TMEM132B: variants seen among roughly 807,000 people sequenced by gnomAD.
TMEM132B encodes transmembrane protein 132B.
TMEM132B carries 18 observed loss-of-function variants against 90.8 expected under a neutral mutation model. That is an observed-to-expected ratio of 0.20 (90% confidence interval 0.14 to 0.29). TMEM132B has a LOEUF of 0.29. Ranked by LOEUF, TMEM132B falls within the 10% of genes least tolerant of loss-of-function variation. The pLI, the probability that TMEM132B is intolerant of heterozygous loss-of-function variation, is 1.00. For synonymous variants in TMEM132B, 504 were observed against 523.3 expected (o/e 0.96, Z 0.50); for missense variants, 1,096 against 1,326.8 (o/e 0.83, Z 2.70).
chr12:125,339,915 T>C (rs1049148971), intron 1 of TMEM132B, among the ~76,000 whole-genome samples: 1 of 152,202 alleles, frequency 6.6e-6, no homozygotes, highest in Non-Finnish European at 1.5e-5. Context: ...GAGGTACACT[T>C]CAGTCCATAA....
At chr12:125,371,377 A>G (rs898804165) in intron 2 of TMEM132B, among the ~76,000 whole-genome samples, 1 of 152,210 alleles carries the variant, frequency 6.6e-6, no homozygotes, top group Non-Finnish European at 1.5e-5. Flanking sequence ...CTGGGAAGAG[A>G]CAGGGAGGAA....
intron 4 of TMEM132B, among the ~76,000 whole-genome samples, chr12:125,578,200 T>C (rs778473801): frequency 6.6e-6 from 1 of 152,176 alleles, no homozygotes; most frequent in Non-Finnish European, 1.5e-5. Flanking sequence ...AAGTGGAACA[T>C]TGAAGTCTCC....
intron 4 of TMEM132B, among the ~76,000 whole-genome samples, chr12:125,536,088 A>G (rs979707409): frequency 2.6e-5 from 4 of 152,174 alleles, no homozygotes; most frequent in Non-Finnish European, 4.4e-5. Context: ...TCCACATGCC[A>G]TGTATCAGCT....
chr12:125,196,702 C>G (rs190993557), intron 1 of TMEM132B, among the ~76,000 whole-genome samples: 42 of 152,090 alleles, frequency 2.8e-4, no homozygotes, highest in African/African-American at 9.9e-4. Context: ...AGCAAGACTC[C>G]GTCACAAAAA....
chr12:125,582,649 C>T (rs1014654341), intron 4 of TMEM132B, among the ~76,000 whole-genome samples: 9 of 152,198 alleles, frequency 5.9e-5, no homozygotes, highest in Non-Finnish European at 8.8e-5. Context: ...TGAATCTACT[C>T]AGTGGTTCTT....
chr12:125,355,531 T>C (rs2136241193), intron 2 of TMEM132B, among the ~76,000 whole-genome samples: 1 of 152,352 alleles, frequency 6.6e-6, no homozygotes, highest in Admixed American at 6.5e-5. Flanking sequence ...GTGGCTTGAC[T>C]TCCTGGCTGC....
intron 2 of TMEM132B, among the ~76,000 whole-genome samples, chr12:125,395,731 C>T (rs1490465448): frequency 1.3e-5 from 2 of 152,244 alleles, no homozygotes; most frequent in East Asian, 1.9e-4. Flanking sequence ...TTTCCTGGCT[C>T]GTGTAATTGA....
chr12:125,602,895 C>G (rs975888933), intron 5 of TMEM132B, among the ~76,000 whole-genome samples: 12 of 152,090 alleles, frequency 7.9e-5, no homozygotes, highest in Non-Finnish European at 8.8e-5. Flanking sequence ...CATAGGAATA[C>G]AGCTGAAAAG....
chr12:125,524,439 A>G (rs951156625), intron 4 of TMEM132B, among the ~76,000 whole-genome samples: 5 of 152,182 alleles, frequency 3.3e-5, no homozygotes, highest in Non-Finnish European at 7.3e-5. Context: ...AGTGAGGGCT[A>G]TTGGGTCAAC....
chr12:125,618,855 TG>T (rs368971316), intron 5 of TMEM132B, among the ~76,000 whole-genome samples: 15 of 152,204 alleles, frequency 9.9e-5, no homozygotes, highest in African/African-American at 3.6e-4. Flanking sequence ...GACTCCAGTT[TG>T]GTAACCACTG....
At chr12:125,361,601 G>A (rs7304214) in intron 2 of TMEM132B, among the ~76,000 whole-genome samples, 1,751 of 152,300 alleles carry the variant, frequency 0.011, 36 homozygotes, top group African/African-American at 0.039. Context: ...ATCAAGTCGA[G>A]AGCTAAGAGC....
At chr12:125,275,764 A>C (rs1162818986) in intron 1 of TMEM132B, among the ~76,000 whole-genome samples, 1 of 152,012 alleles carries the variant, frequency 6.6e-6, no homozygotes, top group Non-Finnish European at 1.5e-5. Context: ...CCCAGGCTGG[A>C]GTGTGGTGGT....
At chr12:125,505,195 A>AAAAAAAAAAAAAAAAAAAAAAAAAC (rs1183847146) in intron 3 of TMEM132B, among the ~76,000 whole-genome samples, 1 of 147,898 alleles carries the variant, frequency 6.8e-6, no homozygotes, top group African/African-American at 2.5e-5. Flanking sequence ...AAAAAAAAAA[A>AAAAAAAAAAAAAAAAAAAAAAAAAC]CAGTAAGTGG....
intron 3 of TMEM132B, among the ~76,000 whole-genome samples, chr12:125,433,311 G>A (rs964589437): frequency 3.3e-5 from 5 of 151,988 alleles, no homozygotes; most frequent in African/African-American, 7.2e-5. Flanking sequence ...CACGGTCATC[G>A]GGGCAATGCT....
intron 2 of TMEM132B, among the ~76,000 whole-genome samples, chr12:125,389,520 G>A (rs1566020727): frequency 6.6e-6 from 1 of 152,036 alleles, no homozygotes; most frequent in Non-Finnish European, 1.5e-5. Context: ...TGTTAGCTGT[G>A]TGATCTTGGG....
intron 5 of TMEM132B, among the ~76,000 whole-genome samples, chr12:125,613,222 A>ATT (rs1885905203): frequency 7.8e-6 from 1 of 128,078 alleles, no homozygotes; most frequent in Non-Finnish European, 1.6e-5. Flanking sequence ...CACCCACTAT[A>ATT]TTATATATAT....
intron 1 of TMEM132B, among the ~76,000 whole-genome samples, chr12:125,312,788 C>T (rs1439929208): frequency 6.6e-6 from 1 of 152,220 alleles, no homozygotes; most frequent in Non-Finnish European, 1.5e-5. Context: ...GCTCTGTATA[C>T]TGTGGCCATT....
At chr12:125,272,100 T>C (rs1279783848) in intron 1 of TMEM132B, among the ~76,000 whole-genome samples, 1 of 152,224 alleles carries the variant, frequency 6.6e-6, no homozygotes, top group Non-Finnish European at 1.5e-5. Flanking sequence ...AGAGACTCAT[T>C]AGCAGAGATG....
intron 5 of TMEM132B, among the ~76,000 whole-genome samples, chr12:125,620,312 G>T (rs539384188): frequency 3.3e-5 from 5 of 152,238 alleles, no homozygotes; most frequent in African/African-American, 1.2e-4. Context: ...ATATATTCTT[G>T]CTTGGGACAA....
Sources: allele counts gnomAD v4.1 joint callset (sites outside exome capture counted in the v4.1 genomes callset), GRCh38; gene constraint gnomAD v4.1.1; transcripts MANE v1.5; gene names NCBI Gene and HGNC (gene_info 2026-07-23, HGNC 2026-07-21).